Variants in DNAH2 observed in about 807,000 individuals in gnomAD.
The protein encoded by DNAH2 is dynein axonemal heavy chain 2.
In DNAH2, 323 loss-of-function variants were observed where a neutral mutation model predicts 523.5. The ratio of observed to expected loss-of-function variants is 0.62; its 90% CI spans 0.56 to 0.68. The LOEUF (loss-of-function observed/expected upper bound fraction) is 0.68, where lower values mean the gene tolerates loss of function less well. DNAH2 is among the 30% of genes least tolerant of loss of function. DNAH2 has a pLI of 0.00. For synonymous variants in DNAH2, 2,093 were observed against 2,177.4 expected (o/e 0.96, Z 1.08); for missense variants, 4,907 against 5,701.5 (o/e 0.86, Z 4.49).
chr17:7,799,584 AG>A (rs369404744), intron 56 of DNAH2, among the ~76,000 whole-genome samples: 12 of 152,190 alleles, frequency 7.9e-5, no homozygotes, highest in African/African-American at 2.9e-4. Flanking sequence ...TGGGAGGCCT[AG>A]GTGGGTGGAT....
At chr17:7,814,351 ATTTAC>A (rs1389910429) in intron 63 of DNAH2, among the ~76,000 whole-genome samples, 2 of 152,112 alleles carry the variant, frequency 1.3e-5, no homozygotes, top group Non-Finnish European at 2.9e-5. Flanking sequence ...TGAGTTTTTA[ATTTAC>A]TTAAAGATAT....
intron 4 of DNAH2, among the ~76,000 whole-genome samples, chr17:7,732,696 T>C (rs2075024848): frequency 6.6e-6 from 1 of 152,160 alleles, no homozygotes; most frequent in Non-Finnish European, 1.5e-5. Flanking sequence ...CCCTAGACAA[T>C]TGTCTCTTCC....
In DNAH2 at chr17:7,739,918, T is replaced by C; in HGVS notation, c.1356T>C (p.Cys452=). 1.2e-6 allele frequency: 2 copies of C among 1,613,880 alleles called. No homozygotes were observed. Among genetic ancestry groups the C allele is most frequent in the Non-Finnish European group, 1.7e-6 (2 of 1,179,904 alleles). Residue 452 remains cysteine (C), a synonymous_variant, in exon 9 of 86, where the codon TGT becomes TGC. Transcript: ENST00000572933. ...RGGILDVKNT[C]WHEDYNKFRA... The stretch of plus-strand genomic sequence containing the variant: ...GTATCCTGGATGTCAAGAACACCTG[T>C]TGGCATGAAGACTACAATAAGTGAG...
intron 2 of DNAH2, among the ~76,000 whole-genome samples, chr17:7,722,862 CTT>C (rs2074660224): frequency 6.6e-6 from 1 of 151,874 alleles, no homozygotes; most frequent in Non-Finnish European, 1.5e-5. Flanking sequence ...GCAAATCTCT[CTT>C]TGAGTCCTTG....
intron 12 of DNAH2, chr17:7,743,418 C>T: frequency 1.4e-6 from 1 of 690,664 alleles, no homozygotes; most frequent in East Asian, 2.7e-5. Context: ...GTAATCCCAG[C>T]ACTTTGGGAG....
At position 7,759,543 on chromosome 17, in the gene DNAH2, C is replaced by A; in HGVS notation, c.2570C>A (p.Thr857Asn). Residue 857 changes from threonine to asparagine, a missense_variant, in exon 16 of 86, where the codon ACC (threonine) becomes AAC (asparagine). Physicochemically the swap from Thr to Asn is moderately conservative, Grantham distance 65. Coordinates refer to ENST00000572933, the MANE Select transcript of DNAH2 (RefSeq NM_020877.5). ...LSKAINGDGK[T>N]SPNPLFQVLV... ...AAGGCTATCAACGGGGATGGAAAGA[C>A]CAGCCCAAACCCACTCTTCCAAGTC... 1 of 1,614,206 alleles carries A rather than the reference C, an allele frequency of 6.2e-7. No homozygotes were observed. The highest frequency in any genetic ancestry group is 8.5e-7 in the Non-Finnish European group (1 of 1,180,040).
rs773370393 is a variant in DNAH2, at chr17:7,770,627, A to G, written c.4169A>G (p.His1390Arg). Reference protein sequence around the residue: ...LDIVPYKDKGHHRLRGTEEVF... With the variant: ...LDIVPYKDKGRHRLRGTEEVF... The stretch of plus-strand genomic sequence containing the variant: ...ATAGTACCCTACAAGGATAAGGGCC[A>G]TCATCGGCTCAGGTCAGGGGAGCTG... The change falls in exon 26 of 86, where the codon CAT becomes CGT. Residue 1390 changes from histidine to arginine, a missense_variant. His to Arg is a conservative substitution (Grantham distance 29). Around this residue, in one of 3 missense-constraint regions of DNAH2, gnomAD observed 2,806 missense variants for 3,190.8 expected, o/e 0.88. Coordinates refer to ENST00000572933, the MANE Select transcript of DNAH2 (RefSeq NM_020877.5). 1.2e-6 allele frequency: 2 copies of G among 1,614,200 alleles called. No individual in the cohort carries two copies. The highest frequency in any genetic ancestry group is 1.7e-6 in the Non-Finnish European group (2 of 1,180,030).
At chr17:7,768,360 C>T (rs2076228609) in intron 24 of DNAH2, 93 bp downstream of exon 24, 1 of 1,240,262 alleles carries the variant, frequency 8.1e-7, no homozygotes. Context: ...GCAGTGTTCA[C>T]AGCCCTCTCT....
intron 9 of DNAH2, 93 bp downstream of exon 9, chr17:7,740,031 T>G (rs2075262686): frequency 1.7e-5 from 17 of 972,612 alleles, no homozygotes; most frequent in African/African-American, 7.0e-5. Context: ...GCAAAGGAAA[T>G]GGTGGAAGGA....
chr17:7,818,254 T>C, intron 68 of DNAH2, 58 bp from the exon 69 acceptor site: 1 of 1,604,886 alleles, frequency 6.2e-7, no homozygotes. Flanking sequence ...CGGTGGGGGA[T>C]GGGTTAGCTG....
In DNAH2 at chr17:7,754,515, G is replaced by T. The variant is rs1597542860; in HGVS notation, c.1905-2576G>T. The T allele has an allele frequency of 1.1e-6, 1 of 911,246 alleles. No homozygotes were observed. Among genetic ancestry groups the T allele is most frequent in the East Asian group, 2.4e-5 (1 of 41,614 alleles). 56.4% of individuals were successfully genotyped at this position (911,246 alleles called of 1,614,324 possible). On this transcript the variant is annotated intron_variant, in intron 12 of 85. Coordinates refer to ENST00000572933, the MANE Select transcript of DNAH2 (RefSeq NM_020877.5). This position sits in a 1 kb window ranked among gnomAD's most constrained non-coding sequence, Gnocchi z 4.6. The stretch of plus-strand genomic sequence containing the variant: ...TGGACTCCAAGTTCCTGAGGAACAT[G>T]CGCTTTGCCAAGAAGCACAAAAGAA...
In DNAH2 at chr17:7,798,138, AC is replaced by A. The variant is rs1301941199; in HGVS notation, c.8231-18del. On this transcript the variant is annotated intron_variant, in intron 53 of 85. Coordinates refer to ENST00000572933, the MANE Select transcript of DNAH2 (RefSeq NM_020877.5). This position sits in a 1 kb window ranked among gnomAD's most constrained non-coding sequence, Gnocchi z 5.5. ...TTTGCTCAGCCAACTCATTACCCTC[AC>A]ACCCACCCCACCCCCAGTCACACGG... The A allele has an allele frequency of 1.9e-6, 3 of 1,572,542 alleles. No individual in the cohort carries two copies. Among genetic ancestry groups the A allele is most frequent in the Middle Eastern group, 1.7e-4 (1 of 5,800 alleles).
Position 7,754,966 on chromosome 17 carries a change from G to T in DNAH2, c.1905-2125G>T. ...TATTGGTACAAATAAGCCTGAGGCA[G>T]AAAAAAAAAAAAAAAGAATAGGCAG... On this transcript the variant is annotated intron_variant, in intron 12 of 85. Transcript: ENST00000572933. The surrounding 1 kb of genome is among the most constrained non-coding windows in gnomAD (Gnocchi z 4.6). The T allele has an allele frequency of 4.0e-4, 112 of 277,106 alleles. No individual in the cohort carries two copies. The highest frequency in any genetic ancestry group is 1.0e-3 in the Middle Eastern group (1 of 976). The allele number at this position is 277,106 out of a possible 1,614,324, so 17.2% of individuals were successfully genotyped here.
intron 44 of DNAH2, among the ~76,000 whole-genome samples, chr17:7,791,453 C>T (rs1344010495): frequency 6.6e-6 from 1 of 152,134 alleles, no homozygotes; most frequent in Non-Finnish European, 1.5e-5. Context: ...TTTTTGAGTT[C>T]TGTATTACTA....
intron 12 of DNAH2, among the ~76,000 whole-genome samples, chr17:7,752,404 G>A (rs1028785314): frequency 3.6e-4 from 54 of 151,998 alleles, no homozygotes; most frequent in African/African-American, 1.0e-3. Context: ...CATAGACAGA[G>A]ATATACGTAA....
chr17:7,771,559 G>A, intron 28 of DNAH2, 91 bp downstream of exon 28: 2 of 1,413,696 alleles, frequency 1.4e-6, no homozygotes, highest in South Asian at 1.3e-5. Flanking sequence ...AAAGACTGAT[G>A]CCCCCAGCTC....
chr17:7,796,705 C>T (rs533459898), intron 50 of DNAH2, 53 bp downstream of exon 50: 1 of 1,562,808 alleles, frequency 6.4e-7, no homozygotes, highest in Non-Finnish European at 8.7e-7. Context: ...TCCGCGGAGG[C>T]TTTCTCTTCT....
At chr17:7,779,624 G>C (rs1039134977) in intron 36 of DNAH2, among the ~76,000 whole-genome samples, 8 of 152,190 alleles carry the variant, frequency 5.3e-5, no homozygotes, top group Non-Finnish European at 1.0e-4. Flanking sequence ...TCCCCAAAGG[G>C]ATTAATAACC....
chr17:7,770,014 C>G (rs1302770817), intron 24 of DNAH2, among the ~76,000 whole-genome samples: 1 of 152,208 alleles, frequency 6.6e-6, no homozygotes, highest in Admixed American at 6.5e-5. Context: ...TGCGGTGATT[C>G]ATTGTGTGTT....
Sources: allele counts gnomAD v4.1 joint callset (sites outside exome capture counted in the v4.1 genomes callset), GRCh38; gene constraint gnomAD v4.1.1; regional missense constraint gnomAD v4.1.1; non-coding constraint Gnocchi (gnomAD v3.1); transcripts MANE v1.5; gene names NCBI Gene and HGNC (gene_info 2026-07-23, HGNC 2026-07-21).